PTGR3: variants seen among roughly 807,000 people sequenced by gnomAD.
PTGR3 encodes the protein zinc binding alcohol dehydrogenase domain containing 2.
chr18:75,202,630 C>A, the PTGR3 span, among the ~76,000 whole-genome samples: 2 of 148,356 alleles, frequency 1.3e-5, no homozygotes, highest in Non-Finnish European at 3.0e-5. Context: ...TTTTCACATG[C>A]CATTTATTTG....
the PTGR3 span, chr18:75,205,285 G>C: frequency 2.0e-6 from 2 of 985,530 alleles, no homozygotes; most frequent in South Asian, 4.7e-5. Flanking sequence ...CTCGGGATGG[G>C]GAGCAGGGGC....
the PTGR3 span, among the ~76,000 whole-genome samples, chr18:75,205,024 G>C: frequency 6.6e-6 from 1 of 152,184 alleles, no homozygotes; most frequent in Non-Finnish European, 1.5e-5. Flanking sequence ...GCTGGCTGAC[G>C]GCAGGAGCCC....
At chr18:75,208,592 A>C in the PTGR3 span, 9 of 938,366 alleles carry the variant, frequency 9.6e-6, no homozygotes, top group African/African-American at 1.7e-5. Context: ...AGGGGAGGGG[A>C]ATCCCAAATT....
At chr18:75,205,096 C>G in the PTGR3 span, 1 of 946,768 alleles carries the variant, frequency 1.1e-6, no homozygotes, top group South Asian at 4.9e-5. Flanking sequence ...CTCCGGTTCG[C>G]GGACCCCCAC....
the PTGR3 span, among the ~76,000 whole-genome samples, chr18:75,205,796 A>G: frequency 2.0e-5 from 3 of 149,594 alleles, no homozygotes; most frequent in Admixed American, 6.6e-5. Context: ...GAAAGACAAG[A>G]AAAAAAGCGG....
the PTGR3 span, chr18:75,205,257 C>G: frequency 4.1e-6 from 4 of 985,650 alleles, no homozygotes; most frequent in Non-Finnish European, 4.8e-6. Context: ...GCGCAGCAGG[C>G]GCAAAGCGAA....
the PTGR3 span, chr18:75,200,479 G>C: frequency 2.0e-5 from 3 of 152,216 alleles, no homozygotes; most frequent in South Asian, 6.2e-4. Context: ...TGAGATGACT[G>C]AGGTCTCTAC....
the PTGR3 span, chr18:75,197,378 A>G: frequency 1.3e-5 from 2 of 152,282 alleles, no homozygotes; most frequent in African/African-American, 4.8e-5. Flanking sequence ...CATCTCATGT[A>G]CCCCATAAAT....
At chr18:75,203,531 T>C in the PTGR3 span, among the ~76,000 whole-genome samples, 1 of 152,224 alleles carries the variant, frequency 6.6e-6, no homozygotes, top group Non-Finnish European at 1.5e-5. Context: ...CCCATGTATC[T>C]ACAGGACAGA....
the PTGR3 span, chr18:75,198,892 G>T: frequency 2.0e-5 from 3 of 152,670 alleles, no homozygotes; most frequent in South Asian, 6.2e-4. Flanking sequence ...TGAGACCATC[G>T]TACCGTTTCA....
At chr18:75,202,964 C>T in the PTGR3 span, among the ~76,000 whole-genome samples, 5 of 152,250 alleles carry the variant, frequency 3.3e-5, no homozygotes, top group South Asian at 2.1e-4. Flanking sequence ...GAGTGGCTGT[C>T]GCAAATTTTC....
chr18:75,195,456 G>A, the PTGR3 span: 2 of 152,242 alleles, frequency 1.3e-5, no homozygotes, highest in Non-Finnish European at 2.9e-5. Flanking sequence ...GAAGTCACCT[G>A]GCGGATGGGA....
the PTGR3 span, among the ~76,000 whole-genome samples, chr18:75,206,876 C>G: frequency 6.6e-6 from 1 of 152,228 alleles, no homozygotes; most frequent in Non-Finnish European, 1.5e-5. Context: ...CCACAAAATT[C>G]AGGGATCCAC....
the PTGR3 span, among the ~76,000 whole-genome samples, chr18:75,206,283 T>C: frequency 6.6e-5 from 10 of 152,336 alleles, no homozygotes; most frequent in African/African-American, 2.2e-4. Flanking sequence ...ATGAAGAATT[T>C]GTATTTTGTG....
the PTGR3 span, chr18:75,208,899 C>T: frequency 5.7e-6 from 9 of 1,567,710 alleles, no homozygotes; most frequent in African/African-American, 1.3e-4. Flanking sequence ...ACCGGGCAGT[C>T]CCGGCTCAGG....
chr18:75,207,561 A>C, the PTGR3 span, among the ~76,000 whole-genome samples: 6 of 152,004 alleles, frequency 3.9e-5, no homozygotes, highest in African/African-American at 1.2e-4. Context: ...CAATGCAAAC[A>C]TTTTCAAGGA....
At chr18:75,195,415 G>C in the PTGR3 span, 1 of 152,150 alleles carries the variant, frequency 6.6e-6, no homozygotes, top group East Asian at 1.9e-4. Flanking sequence ...TATCCCAAAG[G>C]ACCCGGGCAG....
the PTGR3 span, among the ~76,000 whole-genome samples, chr18:75,202,626 C>T: frequency 6.9e-6 from 1 of 143,932 alleles, no homozygotes; most frequent in African/African-American, 2.6e-5. Flanking sequence ...CACATTTTCA[C>T]ATGCCATTTA....
At chr18:75,208,643 T>C in the PTGR3 span, among the ~76,000 whole-genome samples, 1 of 152,146 alleles carries the variant, frequency 6.6e-6, no homozygotes, top group African/African-American at 2.4e-5. Context: ...TGGCATCGGA[T>C]ATTCACACCA....
Sources: gnomAD v4.1 joint callset for allele counts (sites outside exome capture counted in the v4.1 genomes callset) on GRCh38, gnomAD v4.1.1 for gene constraint, MANE v1.5 for transcripts, NCBI Gene and HGNC (gene_info 2026-07-23, HGNC 2026-07-21) for gene names.